Variants in RAPGEFL1 observed in about 807,000 individuals in gnomAD.
RAPGEFL1 encodes the protein Rap guanine nucleotide exchange factor like 1, also known as rap guanine nucleotide exchange factor-like 1.
RAPGEFL1 carries 31 observed loss-of-function variants against 64.4 expected under a neutral mutation model. The observed-to-expected ratio is 0.48, with a 90% CI of 0.36 to 0.65. The LOEUF (loss-of-function observed/expected upper bound fraction) is 0.65. Ranked by LOEUF, RAPGEFL1 falls within the 30% of genes least tolerant of loss-of-function variation. RAPGEFL1 has a pLI of 0.00. For missense variants in RAPGEFL1, 682 were observed against 677.4 expected, an observed-to-expected ratio of 1.01 and a Z score of -0.08; for synonymous variants, 331 against 274.1, an observed-to-expected ratio of 1.21 and a Z score of -2.05.
intron 4 of RAPGEFL1, among the ~76,000 whole-genome samples, chr17:40,186,269 T>C (rs1342198140): frequency 1.1e-4 from 14 of 129,608 alleles, no homozygotes; most frequent in African/African-American, 3.9e-4. Context: ...GTGGACTCCG[T>C]CTCAAAAAAA....
chr17:40,178,865 G>GC (rs1989807415), intron 1 of RAPGEFL1, among the ~76,000 whole-genome samples: 1 of 152,228 alleles, frequency 6.6e-6, no homozygotes, highest in Non-Finnish European at 1.5e-5. Context: ...ACAGGCACAG[G>GC]CCCCAAGCTG....
Position 40,194,280 on chromosome 17 carries a change from TG to T in RAPGEFL1, c.*493del, listed in dbSNP as rs1990387415. 2.5e-5 allele frequency: 4 copies of T among 157,276 alleles called. No individual in the cohort carries two copies. Among genetic ancestry groups the T allele is most frequent in the East Asian group, 3.4e-4 (2 of 5,820 alleles). 9.7% of individuals were successfully genotyped at this position (157,276 alleles called of 1,614,324 possible). A position where few individuals can be genotyped will look rare whatever the true frequency, so the allele number is the denominator to read the frequency against. On this transcript the variant is annotated 3_prime_UTR_variant, in exon 15 of 15. Coordinates refer to ENST00000620260, the MANE Select transcript of RAPGEFL1 (RefSeq NM_016339.6). ...GTGTGTGTGTGTGTGTGTGTGTGTG[TG>T]TGTGTGTGTCTTCTTTTAGGGAGCA...
At chr17:40,187,783 TA>T (rs1172516562) in intron 4 of RAPGEFL1, among the ~76,000 whole-genome samples, 2 of 151,244 alleles carry the variant, frequency 1.3e-5, no homozygotes, top group African/African-American at 4.9e-5. Flanking sequence ...GCTAATTTTT[TA>T]TATTTTTTTT....
At chr17:40,185,783 C>CA (rs750937174) in intron 4 of RAPGEFL1, among the ~76,000 whole-genome samples, 3,024 of 48,460 alleles carry the variant, frequency 0.062, 135 homozygotes, top group African/African-American at 0.15. Context: ...GATTCTGTCT[C>CA]AAAAAAAAAA....
At position 40,177,690 on chromosome 17, in the gene RAPGEFL1, C is replaced by A; in HGVS notation, c.-172C>A. 2.4e-6 allele frequency: 1 copy of A among 412,982 alleles called. No homozygotes were observed. Among genetic ancestry groups the A allele is most frequent in the Non-Finnish European group, 4.2e-6 (1 of 237,986 alleles). 25.6% of individuals were successfully genotyped at this position (412,982 alleles called of 1,614,324 possible). A position where few individuals can be genotyped will look rare whatever the true frequency, so the allele number is the denominator to read the frequency against. ...CTCTGGCACCTCCCCCGGCTACTGG[C>A]CACTGGACTCTGGCCAGCGAGGCTC... On this transcript the variant is annotated 5_prime_UTR_variant, in exon 1 of 15. Transcript: ENST00000620260.
At chr17:40,188,780 G>GAT in intron 4 of RAPGEFL1, 86 bp from the exon 5 acceptor site, 1 of 1,063,598 alleles carries the variant, frequency 9.4e-7, no homozygotes, top group Non-Finnish European at 1.5e-6. Context: ...ACCCAATTCT[G>GAT]ATATTCTTGC....
At chr17:40,183,686 A>AT (rs1328308699) in intron 2 of RAPGEFL1, among the ~76,000 whole-genome samples, 1 of 146,844 alleles carries the variant, frequency 6.8e-6, no homozygotes, top group Non-Finnish European at 1.5e-5. Flanking sequence ...CTCCCAGCTA[A>AT]TTTTTTGTAT....
At position 40,181,682 on chromosome 17, in the gene RAPGEFL1, A is replaced by G; in HGVS notation, c.587A>G (p.Glu196Gly). 1 of 702,730 alleles carries G rather than the reference A, an allele frequency of 1.4e-6. No homozygotes were observed. The highest frequency in any genetic ancestry group is 2.7e-5 in the East Asian group (1 of 37,282). 43.5% of individuals were successfully genotyped at this position (702,730 alleles called of 1,614,324 possible). A position where few individuals can be genotyped will look rare whatever the true frequency, so the allele number is the denominator to read the frequency against. Reference sequence around the variant, plus strand: ...CTCCCGACGGAGAAATTTCTGCAGGAGCTACACCAGTAATATCCTTTTGTG... The same window carrying G: ...CTCCCGACGGAGAAATTTCTGCAGGGGCTACACCAGTAATATCCTTTTGTG... Reference protein sequence around the residue: ...LFLPTEKFLQELHQYFVRAGG... With the variant: ...LFLPTEKFLQGLHQYFVRAGG... The change falls in exon 2 of 15, where the codon GAG becomes GGG. Residue 196 changes from glutamate (E) to glycine (G), a missense_variant. Transcript: ENST00000620260.
chr17:40,192,891 C>T (rs1990327302), intron 12 of RAPGEFL1, 35 bp from the exon 13 acceptor site: 1 of 1,572,358 alleles, frequency 6.4e-7, no homozygotes, highest in Non-Finnish European at 8.8e-7. Context: ...CTCTCTTATC[C>T]TTTCCTCACA....
rs1306937895 is a variant in RAPGEFL1 at position 40,191,228 on chromosome 17, C to T, written c.1336-88C>T. 6.6e-6 allele frequency: 8 copies of T among 1,209,220 alleles called. No individual in the cohort carries two copies. The highest frequency in any genetic ancestry group is 8.9e-6 in the Non-Finnish European group (8 of 902,586). The allele number at this position is 1,209,220 out of a possible 1,614,324, so 74.9% of individuals were successfully genotyped here. On this transcript the variant is annotated intron_variant, in intron 8 of 14. Coordinates refer to ENST00000620260, the MANE Select transcript of RAPGEFL1 (RefSeq NM_016339.6). This position sits in a 1 kb window ranked among gnomAD's most constrained non-coding sequence, Gnocchi z 5.1. ...CTTCCGCCCCCGCCCTCCTGCCTTT[C>T]GCTCCTCATCGCCTTGCACTGCCAT...
chr17:40,177,282 T>C (rs942668061), upstream of RAPGEFL1: 3 of 702,472 alleles, frequency 4.3e-6, no homozygotes, highest in Non-Finnish European at 7.8e-6. Context: ...TCCTTCCCCA[T>C]TGGTAAATCT....
Position 40,184,690 on chromosome 17 carries a change from T to A in RAPGEFL1, c.833+12T>A. On this transcript the variant is annotated intron_variant, in intron 4 of 14. Coordinates refer to ENST00000620260, the MANE Select transcript of RAPGEFL1 (RefSeq NM_016339.6). ...ACGGTGGAACTAAAGTGAGGGGGAG[T>A]GGGGCAGGGGCGGGAACAGGAAAGT... The A allele has an allele frequency of 1.3e-6, 2 of 1,506,650 alleles. No homozygotes were observed. Among genetic ancestry groups the A allele is most frequent in the Non-Finnish European group, 1.8e-6 (2 of 1,098,168 alleles). The allele number at this position is 1,506,650 out of a possible 1,614,324, so 93.3% of individuals were successfully genotyped here. A position where few individuals can be genotyped will look rare whatever the true frequency, so the allele number is the denominator to read the frequency against.
At chr17:40,179,170 G>A (rs564313593) in intron 1 of RAPGEFL1, among the ~76,000 whole-genome samples, 31 of 152,046 alleles carry the variant, frequency 2.0e-4, no homozygotes, top group Non-Finnish European at 3.8e-4. Context: ...AGGTTCAAGC[G>A]ATTCTCCTGC....
rs750166411 is a variant in RAPGEFL1, at chr17:40,193,761, C to T, written c.1962C>T (p.Ser654=). The change falls in exon 15 of 15, where the codon TCC becomes TCT. Residue 654 remains serine (S), a synonymous_variant. Coordinates refer to ENST00000620260, the MANE Select transcript of RAPGEFL1 (RefSeq NM_016339.6). ...IDNQNLLFEL[S]YKLEANSQ The stretch of plus-strand genomic sequence containing the variant: ...ACCAGAACCTCCTCTTCGAGCTCTC[C>T]TACAAGCTGGAGGCAAACAGTCAGT... The T allele has an allele frequency of 6.2e-7, 1 of 1,614,090 alleles. No homozygotes were observed. Among genetic ancestry groups the T allele is most frequent in the Non-Finnish European group, 8.5e-7 (1 of 1,179,992 alleles).
Position 40,193,915 on chromosome 17 carries a change from C to T in RAPGEFL1, c.*127C>T, listed in dbSNP as rs1045003246. The T allele has an allele frequency of 3.1e-6, 4 of 1,310,858 alleles. No individual in the cohort carries two copies. The highest frequency in any genetic ancestry group is 1.5e-5 in the African/African-American group (1 of 67,240). 81.2% of individuals were successfully genotyped at this position (1,310,858 alleles called of 1,614,324 possible). ...ACTTCCTGCTCCACGGGAAAGAGGT[C>T]GATGGATTTACCCCTGGACCCATAA... On this transcript the variant is annotated 3_prime_UTR_variant, in exon 15 of 15. Transcript: ENST00000620260.
Position 40,191,802 on chromosome 17 carries a change from C to A in RAPGEFL1, c.1605+130C>A. On this transcript the variant is annotated intron_variant, in intron 10 of 14. Transcript: ENST00000620260. The surrounding 1 kb of genome is among the most constrained non-coding windows in gnomAD (Gnocchi z 5.1). ...GTTGGAGGGAGGCGCCCTCTTCTGG[C>A]ATACGCAACCCCAGGGCGCACAGCT... The A allele has an allele frequency of 2.3e-6, 2 of 884,296 alleles. No homozygotes were observed. Among genetic ancestry groups the A allele is most frequent in the Non-Finnish European group, 1.8e-6 (1 of 560,610 alleles). The allele number at this position is 884,296 out of a possible 1,614,324, so 54.8% of individuals were successfully genotyped here.
chr17:40,180,016 A>G (rs1989846895), intron 1 of RAPGEFL1, among the ~76,000 whole-genome samples: 1 of 152,242 alleles, frequency 6.6e-6, no homozygotes, highest in Non-Finnish European at 1.5e-5. Flanking sequence ...ACATTGGCCC[A>G]GAGCCTGCTT....
chr17:40,178,730 A>G (rs1989803022), intron 1 of RAPGEFL1, among the ~76,000 whole-genome samples: 1 of 152,164 alleles, frequency 6.6e-6, no homozygotes, highest in African/African-American at 2.4e-5. Flanking sequence ...GACACATTAA[A>G]ATGGGAGCTG....
chr17:40,178,972 G>T (rs1989810959), intron 1 of RAPGEFL1, among the ~76,000 whole-genome samples: 1 of 152,200 alleles, frequency 6.6e-6, no homozygotes, highest in Non-Finnish European at 1.5e-5. Flanking sequence ...TCTGGGAGGG[G>T]AGAGGTGGCT....
Sources: allele counts gnomAD v4.1 joint callset (sites outside exome capture counted in the v4.1 genomes callset), GRCh38; gene constraint gnomAD v4.1.1; non-coding constraint Gnocchi (gnomAD v3.1); transcripts MANE v1.5; gene names NCBI Gene and HGNC (gene_info 2026-07-23, HGNC 2026-07-21).